Variants in MBD2 observed in about 807,000 individuals in gnomAD.
MBD2 encodes the protein methyl-CpG-binding domain protein 2.
In MBD2, 9 loss-of-function variants were observed where a neutral mutation model predicts 39.3. The observed-to-expected ratio is 0.23, with a 90% CI of 0.14 to 0.40. The LOEUF (loss-of-function observed/expected upper bound fraction) is 0.40. Ranked by LOEUF, MBD2 falls within the 10% of genes least tolerant of loss-of-function variation. MBD2 has a pLI of 1.00. For missense variants in MBD2, 458 were observed against 532.6 expected, an observed-to-expected ratio of 0.86 and a Z score of 1.38; for synonymous variants, 233 against 211.1, an observed-to-expected ratio of 1.10 and a Z score of -0.90.
intron 3 of MBD2, 69 bp from the exon 4 acceptor site, chr18:54,166,235 G>C: frequency 1.1e-6 from 1 of 880,092 alleles, no homozygotes; most frequent in Non-Finnish European, 1.8e-6. Flanking sequence ...CGATGCTGTT[G>C]AATAATGAAA....
chr18:54,212,889 G>A (rs1040968247), intron 1 of MBD2, among the ~76,000 whole-genome samples: 15 of 151,606 alleles, frequency 9.9e-5, no homozygotes, highest in Admixed American at 2.6e-4. Context: ...AAAATTAGCC[G>A]AGCATGGTGG....
intron 1 of MBD2, among the ~76,000 whole-genome samples, chr18:54,210,116 GC>G (rs1399221053): frequency 1.3e-5 from 2 of 151,600 alleles, no homozygotes; most frequent in African/African-American, 4.9e-5. Flanking sequence ...CCTACCAACT[GC>G]CCCCTAGATA....
intron 1 of MBD2, among the ~76,000 whole-genome samples, chr18:54,219,372 A>C (rs1481116027): frequency 2.6e-5 from 4 of 152,226 alleles, no homozygotes; most frequent in Non-Finnish European, 5.9e-5. Context: ...TGTTTTACAA[A>C]ACGTTAGGTG....
chr18:54,188,083 GGGA>G (rs2086296300), intron 3 of MBD2, among the ~76,000 whole-genome samples: 1 of 152,116 alleles, frequency 6.6e-6, no homozygotes, highest in Non-Finnish European at 1.5e-5. Flanking sequence ...GGACTCAGGT[GGGA>G]GGAGGCAGAG....
intron 6 of MBD2, among the ~76,000 whole-genome samples, chr18:54,156,284 C>T (rs1230034385): frequency 6.6e-6 from 1 of 152,180 alleles, no homozygotes; most frequent in Non-Finnish European, 1.5e-5. Context: ...AGTCTAATGG[C>T]TTGATCTAAT....
At chr18:54,209,792 A>G (rs1378222320) in intron 1 of MBD2, among the ~76,000 whole-genome samples, 2 of 152,196 alleles carry the variant, frequency 1.3e-5, no homozygotes, top group African/African-American at 4.8e-5. Context: ...ACCCTGGGAG[A>G]GGCAAACTGA....
intron 3 of MBD2, among the ~76,000 whole-genome samples, chr18:54,179,973 G>C (rs2086239320): frequency 8.2e-6 from 1 of 122,058 alleles, no homozygotes; most frequent in African/African-American, 3.2e-5. Flanking sequence ...CAGATGACAT[G>C]TTTATTCACA....
At chr18:54,210,510 A>G (rs1007804326) in intron 1 of MBD2, among the ~76,000 whole-genome samples, 15 of 152,210 alleles carry the variant, frequency 9.9e-5, no homozygotes, top group Admixed American at 1.3e-4. Context: ...TCACCGCTCT[A>G]ATATAGCAGA....
At chr18:54,167,167 C>G (rs1489713900) in intron 3 of MBD2, among the ~76,000 whole-genome samples, 1 of 152,164 alleles carries the variant, frequency 6.6e-6, no homozygotes, top group African/African-American at 2.4e-5. Flanking sequence ...GGGCCTGTCA[C>G]ATAGTTGGTA....
At chr18:54,173,966 G>C (rs906387199) in intron 3 of MBD2, among the ~76,000 whole-genome samples, 3 of 152,150 alleles carry the variant, frequency 2.0e-5, no homozygotes, top group Non-Finnish European at 4.4e-5. Context: ...AACCTCAAAA[G>C]AGCTGTGAGC....
At chr18:54,177,512 G>C (rs147063077) in intron 3 of MBD2, among the ~76,000 whole-genome samples, 1 of 151,152 alleles carries the variant, frequency 6.6e-6, no homozygotes, top group Non-Finnish European at 1.5e-5. Flanking sequence ...ACGGAGTCTC[G>C]CTCTGTCGCC....
intron 3 of MBD2, among the ~76,000 whole-genome samples, chr18:54,180,051 A>AC (rs2086240097): frequency 6.6e-6 from 1 of 152,140 alleles, no homozygotes; most frequent in African/African-American, 2.4e-5. Flanking sequence ...GAGTCAATAC[A>AC]CAAAATCAAT....
chr18:54,198,238 C>T (rs2086380700), intron 2 of MBD2, among the ~76,000 whole-genome samples: 1 of 152,214 alleles, frequency 6.6e-6, no homozygotes, highest in Admixed American at 6.5e-5. Context: ...CCCAGTAAGG[C>T]ATTACTTCAT....
Position 54,205,023 on chromosome 18 carries a change from C to T in MBD2, c.677G>A (p.Arg226Gln), listed in dbSNP as rs745860253. The change falls in exon 2 of 7, where the codon CGA becomes CAA. Residue 226 changes from arginine to glutamine, a missense_variant. This residue lies in a region of MBD2 where 189 missense variants were observed against 296.6 expected (regional missense o/e 0.64). Coordinates refer to ENST00000256429, the MANE Select transcript of MBD2 (RefSeq NM_003927.5). ...SKLQKNKQRL[R>Q]NDPLNQNKGK... ...CTTATTTTGATTGAGAGGATCGTTT[C>T]GCAGTCTCTGTTTGTTCTTCTGTAA... The T allele has an allele frequency of 1.1e-5, 17 of 1,613,554 alleles. No individual in the cohort carries two copies. Among genetic ancestry groups the T allele is most frequent in the South Asian group, 1.1e-5 (1 of 90,936 alleles).
At chr18:54,198,746 T>C (rs2086384396) in intron 2 of MBD2, among the ~76,000 whole-genome samples, 1 of 152,184 alleles carries the variant, frequency 6.6e-6, no homozygotes, top group Admixed American at 6.5e-5. Flanking sequence ...TGCACACAAT[T>C]CAAAGGTTCC....
intron 3 of MBD2, among the ~76,000 whole-genome samples, chr18:54,168,308 A>T (rs1219008100): frequency 6.6e-6 from 1 of 151,572 alleles, no homozygotes; most frequent in African/African-American, 2.4e-5. Context: ...CAAAAAATTT[A>T]TAAAGAAAAA....
chr18:54,208,838 G>A (rs961126054), intron 1 of MBD2, among the ~76,000 whole-genome samples: 3 of 152,172 alleles, frequency 2.0e-5, no homozygotes, highest in Non-Finnish European at 2.9e-5. Flanking sequence ...AAACTCATTA[G>A]AGACCAGTTC....
At chr18:54,194,970 G>A (rs982728118) in intron 2 of MBD2, among the ~76,000 whole-genome samples, 1 of 152,038 alleles carries the variant, frequency 6.6e-6, no homozygotes, top group Non-Finnish European at 1.5e-5. Context: ...TTGTACCATG[G>A]TAATATTGCA....
At chr18:54,191,133 C>G (rs1032145300) in intron 2 of MBD2, among the ~76,000 whole-genome samples, 3 of 152,206 alleles carry the variant, frequency 2.0e-5, no homozygotes, top group African/African-American at 4.8e-5. Flanking sequence ...CTTCCATGCT[C>G]CAGAACAGGG....
Sources: gnomAD v4.1 joint callset for allele counts (sites outside exome capture counted in the v4.1 genomes callset) on GRCh38, gnomAD v4.1.1 for gene constraint, gnomAD v4.1.1 regional missense constraint, MANE v1.5 for transcripts, NCBI Gene and HGNC (gene_info 2026-07-23, HGNC 2026-07-21) for gene names.